Variants in PTK2 observed in about 807,000 individuals in gnomAD.
The protein encoded by PTK2 is protein tyrosine kinase 2.
Under a neutral mutation model 150.1 loss-of-function variants are expected in PTK2, and 45 were observed. That is an observed-to-expected ratio of 0.30 (90% CI 0.24 to 0.38). The LOEUF (loss-of-function observed/expected upper bound fraction) is 0.38, where lower values mean the gene tolerates loss of function less well. Among genes scored for constraint, PTK2 ranks in the 10% least tolerant of loss-of-function variants. The pLI, the probability that PTK2 is intolerant of heterozygous loss-of-function variation, is 1.00. For missense variants in PTK2, 919 were observed against 1,307.3 expected, an observed-to-expected ratio of 0.70 and a Z score of 4.58; for synonymous variants, 432 against 449.2, an observed-to-expected ratio of 0.96 and a Z score of 0.48.
chr8:140,934,068 CAAGA>C (rs1278766730), intron 1 of PTK2, among the ~76,000 whole-genome samples: 1 of 151,650 alleles, frequency 6.6e-6, no homozygotes, highest in Non-Finnish European at 1.5e-5. Context: ...GAAGATCAAC[CAAGA>C]AAGAAAAAGA....
chr8:140,765,397 A>G (rs2100071737), intron 14 of PTK2, among the ~76,000 whole-genome samples: 1 of 152,184 alleles, frequency 6.6e-6, no homozygotes, highest in Non-Finnish European at 1.5e-5. Context: ...ATCATTCCAC[A>G]TCTATGGTAA....
intron 21 of PTK2, among the ~76,000 whole-genome samples, chr8:140,737,257 C>G (rs935329816): frequency 3.3e-5 from 5 of 152,164 alleles, no homozygotes; most frequent in Admixed American, 1.3e-4. Context: ...CATGCGCCAC[C>G]CAAACCAGCT....
At chr8:140,731,535 AT>A (rs1280786443) in intron 22 of PTK2, among the ~76,000 whole-genome samples, 2 of 152,250 alleles carry the variant, frequency 1.3e-5, no homozygotes, top group East Asian at 1.9e-4. Context: ...GACCAAGGTG[AT>A]TTTCCTATGA....
upstream of PTK2, among the ~76,000 whole-genome samples, chr8:141,001,832 A>G (rs1321217236): frequency 6.6e-6 from 1 of 152,172 alleles, no homozygotes; most frequent in Non-Finnish European, 1.5e-5. Context: ...TTTTGCAGAC[A>G]AGGAAACTGA....
At chr8:140,775,346 G>T (rs190422658) in intron 14 of PTK2, among the ~76,000 whole-genome samples, 1 of 151,588 alleles carries the variant, frequency 6.6e-6, no homozygotes, top group Admixed American at 6.6e-5. Flanking sequence ...CTAGTCAGGC[G>T]TGGTGGTGTG....
intron 2 of PTK2, among the ~76,000 whole-genome samples, chr8:140,922,069 A>C (rs2100167673): frequency 6.6e-6 from 1 of 152,226 alleles, no homozygotes; most frequent in African/African-American, 2.4e-5. Flanking sequence ...TATTTTACTT[A>C]ACAGTGAAAA....
At chr8:140,984,204 G>A in intron 1 of PTK2, 1 of 153,202 alleles carries the variant, frequency 6.5e-6, no homozygotes, top group African/African-American at 2.4e-5. Context: ...ACATAATCAT[G>A]TAGTACAATC....
In PTK2 at chr8:140,675,368, G is replaced by A; in HGVS notation, c.2602+92C>T. ...TCTGTAGAGGAAAAATTAACCATGAGGGTATTCCAAAGCTACGACACTATA... is the reference window on the plus strand; with the variant it reads ...TCTGTAGAGGAAAAATTAACCATGAAGGTATTCCAAAGCTACGACACTATA... On this transcript the variant is annotated intron_variant, in intron 28 of 31. Transcript: ENST00000522684. 2.2e-6 allele frequency: 3 copies of A among 1,360,044 alleles called. No homozygotes were observed. In the South Asian group the frequency reaches 3.6e-5, roughly 16 times the overall value. 84.2% of individuals were successfully genotyped at this position (1,360,044 alleles called of 1,614,324 possible). A position where few individuals can be genotyped will look rare whatever the true frequency, so the allele number is the denominator to read the frequency against.
intron 4 of PTK2, among the ~76,000 whole-genome samples, chr8:140,877,322 C>G (rs898830804): frequency 6.6e-6 from 1 of 152,154 alleles, no homozygotes; most frequent in Non-Finnish European, 1.5e-5. Context: ...ATGTGGGCCA[C>G]CACACCTAGC....
At chr8:140,661,855 T>A (rs934951143) in intron 31 of PTK2, among the ~76,000 whole-genome samples, 22 of 152,124 alleles carry the variant, frequency 1.4e-4, no homozygotes, top group African/African-American at 5.3e-4. Flanking sequence ...ACTGGAATGC[T>A]CTGAGCTGGC....
chr8:140,716,356 C>T (rs994058382), intron 23 of PTK2, among the ~76,000 whole-genome samples: 19 of 152,210 alleles, frequency 1.2e-4, no homozygotes, highest in African/African-American at 2.6e-4. Flanking sequence ...ATGCGGGGTA[C>T]GTGCTAGTTT....
chr8:140,785,030 G>C (rs571127548), intron 14 of PTK2, among the ~76,000 whole-genome samples: 12 of 152,256 alleles, frequency 7.9e-5, no homozygotes, highest in Admixed American at 3.3e-4. Context: ...GCGACAAACT[G>C]TCCTAAAGTT....
intron 14 of PTK2, among the ~76,000 whole-genome samples, chr8:140,772,817 T>C (rs2100076284): frequency 6.6e-6 from 1 of 152,216 alleles, no homozygotes; most frequent in South Asian, 2.1e-4. Context: ...TTACTATTCT[T>C]ACAACTATTC....
At chr8:140,937,719 C>A (rs2100174170) in intron 1 of PTK2, among the ~76,000 whole-genome samples, 2 of 152,134 alleles carry the variant, frequency 1.3e-5, no homozygotes, top group Admixed American at 6.5e-5. Flanking sequence ...ACATCAAATA[C>A]ATTTACATAT....
intron 2 of PTK2, among the ~76,000 whole-genome samples, chr8:140,896,790 G>GC (rs1282449322): frequency 9.4e-6 from 1 of 106,588 alleles, no homozygotes; most frequent in Non-Finnish European, 2.3e-5. Flanking sequence ...CAAAAAAACG[G>GC]GGGGGGGGGG....
At chr8:140,954,633 A>G (rs1369463800) in intron 1 of PTK2, 1 of 152,200 alleles carries the variant, frequency 6.6e-6, no homozygotes, top group African/African-American at 2.4e-5. Flanking sequence ...TGCAAAATCA[A>G]CTACCTTTTG....
At chr8:140,859,107 C>G (rs1054779271) in intron 5 of PTK2, among the ~76,000 whole-genome samples, 1 of 152,096 alleles carries the variant, frequency 6.6e-6, no homozygotes, top group Non-Finnish European at 1.5e-5. Context: ...AGAAAATACT[C>G]AAGCTAATGA....
chr8:140,946,504 T>C (rs567847261), intron 1 of PTK2, among the ~76,000 whole-genome samples: 1 of 152,234 alleles, frequency 6.6e-6, no homozygotes, highest in Non-Finnish European at 1.5e-5. Flanking sequence ...ACAAATACTA[T>C]TAGGAAACAA....
intron 21 of PTK2, among the ~76,000 whole-genome samples, chr8:140,736,357 A>T (rs1461910057): frequency 6.6e-6 from 1 of 152,168 alleles, no homozygotes; most frequent in Non-Finnish European, 1.5e-5. Context: ...AACAACAGAC[A>T]GCAGGGAATA....
Sources: gnomAD v4.1 joint callset for allele counts (sites outside exome capture counted in the v4.1 genomes callset) on GRCh38, gnomAD v4.1.1 for gene constraint, MANE v1.5 for transcripts, NCBI Gene and HGNC (gene_info 2026-07-23, HGNC 2026-07-21) for gene names.